Variants in SUPT3H observed in about 807,000 individuals in gnomAD.
SUPT3H encodes the protein transcription initiation protein SPT3 homolog.
SUPT3H carries 44 observed loss-of-function variants against 44.3 expected under a neutral mutation model. That is an observed-to-expected ratio of 0.99 (90% CI 0.78 to 1.28). SUPT3H has a LOEUF of 1.28. Among genes scored for constraint, SUPT3H ranks in the 50% most tolerant of loss-of-function variants. SUPT3H has a pLI of 0.00. For missense variants in SUPT3H, 380 were observed against 387.1 expected (o/e 0.98, Z 0.15); for synonymous variants, 124 against 125.6 (o/e 0.99, Z 0.09).
At chr6:45,283,954 A>T (rs1056227435) in intron 2 of SUPT3H, among the ~76,000 whole-genome samples, 1 of 152,234 alleles carries the variant, frequency 6.6e-6, no homozygotes, top group Non-Finnish European at 1.5e-5. Flanking sequence ...GCTCAATTAC[A>T]TGTAAACGGA....
intron 3 of SUPT3H, among the ~76,000 whole-genome samples, chr6:45,039,418 T>C (rs142015266): frequency 3.3e-5 from 5 of 152,174 alleles, no homozygotes; most frequent in Non-Finnish European, 7.4e-5. Flanking sequence ...AAAAAACTGC[T>C]AGGATTGATT....
At chr6:45,365,353 A>T in intron 1 of SUPT3H, 52 bp from the exon 2 acceptor site, 1 of 1,208,676 alleles carries the variant, frequency 8.3e-7, no homozygotes. Flanking sequence ...CTATAAGTAA[A>T]TGCAAAAAAA....
intron 10 of SUPT3H, among the ~76,000 whole-genome samples, chr6:44,894,066 GTTGT>G (rs1251980285): frequency 2.9e-5 from 4 of 136,986 alleles, no homozygotes; most frequent in African/African-American, 7.9e-5. Context: ...TTTTGATGGG[GTTGT>G]TTGTTTTTTT....
Position 45,176,017 on chromosome 6 carries a change from G to C in SUPT3H, c.102-70011C>G, listed in dbSNP as rs570281774. Among the ~76,000 whole-genome samples, 102 of 152,242 alleles carry C rather than the reference G, an allele frequency of 6.7e-4. 2 individuals carry two copies. The highest frequency in any genetic ancestry group is 5.9e-4 in the Non-Finnish European group (40 of 68,016). On this transcript the variant is annotated intron_variant, in intron 2 of 10. Coordinates refer to ENST00000371459, the MANE Select transcript of SUPT3H (RefSeq NM_003599.4). Reference sequence around the variant, plus strand: ...TATCTCCCAAGCAATGACTCAATCTGATTGCTCACCTTGGTCCATGATTGG... The same window carrying C: ...TATCTCCCAAGCAATGACTCAATCTCATTGCTCACCTTGGTCCATGATTGG...
At chr6:44,906,272 TATTTA>T (rs1241468311) in intron 10 of SUPT3H, among the ~76,000 whole-genome samples, 2 of 152,212 alleles carry the variant, frequency 1.3e-5, no homozygotes, top group Non-Finnish European at 2.9e-5. Context: ...TAGATAGTAG[TATTTA>T]ATTAATGATG....
chr6:45,184,786 A>G (rs773083478), intron 2 of SUPT3H, among the ~76,000 whole-genome samples: 2,460 of 15,458 alleles, frequency 0.16, 47 homozygotes, highest in South Asian at 0.26. Flanking sequence ...AAAAAAAAAA[A>G]AAAAAAAAAA....
chr6:45,101,042 C>A (rs1318213676), intron 3 of SUPT3H, among the ~76,000 whole-genome samples: 2 of 152,096 alleles, frequency 1.3e-5, no homozygotes, highest in African/African-American at 4.8e-5. Context: ...TCATTTGTGG[C>A]AACATAAATG....
rs1554213489 is a variant in SUPT3H at position 45,029,343 on chromosome 6, G to GTGTATA, written c.187-8712_187-8711insTATACA. Among the ~76,000 whole-genome samples the GTGTATA allele has an allele frequency of 6.8e-5, 10 of 146,376 alleles. No individual in the cohort carries two copies. The South Asian group carries it at 1.5e-3, about 22-fold the overall frequency. ...GTGTATATATGACATATTTGTATGT[G>GTGTATA]TATATATATATATATATACATATTC... is the stretch of plus-strand genomic sequence containing the variant. On this transcript the variant is annotated intron_variant, in intron 3 of 10. Coordinates refer to ENST00000371459, the MANE Select transcript of SUPT3H (RefSeq NM_003599.4).
intron 6 of SUPT3H, among the ~76,000 whole-genome samples, chr6:44,991,041 T>C (rs564496518): frequency 3.3e-5 from 5 of 152,102 alleles, no homozygotes; most frequent in African/African-American, 1.2e-4. Context: ...GCTCAACGAA[T>C]CCATTAGTCA....
intron 2 of SUPT3H, among the ~76,000 whole-genome samples, chr6:45,154,072 G>GAAAAAAAAAAAAAAAAAAAAA (rs796547480): frequency 5.6e-5 from 1 of 17,988 alleles, no homozygotes; most frequent in Non-Finnish European, 3.4e-4. Flanking sequence ...TCTGTCTCAA[G>GAAAAAAAAAAAAAAAAAAAAA]AAAAAAAAAA....
intron 2 of SUPT3H, chr6:45,328,321 G>A (rs1288239438): frequency 7.3e-7 from 1 of 1,371,504 alleles, no homozygotes; most frequent in Admixed American, 1.9e-5. Flanking sequence ...TGGATTGTGT[G>A]AATGCTTCAT....
At position 45,281,563 on chromosome 6, in the gene SUPT3H, G is replaced by A. The variant is rs112454900; in HGVS notation, c.101+83638C>T. On this transcript the variant is annotated intron_variant, in intron 2 of 10. Coordinates refer to ENST00000371459, the MANE Select transcript of SUPT3H (RefSeq NM_003599.4). ...TGGGGGAGGGGCGCCCACCATTGCC[G>A]ACGCTTGAGTAGCTAAACAAAGCAG... Among the ~76,000 whole-genome samples the A allele has an allele frequency of 9.5e-3, 1,442 of 152,270 alleles. 13 individuals are homozygous for A. Among genetic ancestry groups the A allele is most frequent in the South Asian group, 0.025 (121 of 4,826 alleles).
intron 11 of SUPT3H, among the ~76,000 whole-genome samples, chr6:44,814,137 A>T (rs1234487588): frequency 1.3e-5 from 2 of 152,222 alleles, no homozygotes; most frequent in African/African-American, 4.8e-5. Flanking sequence ...TGACAACCAA[A>T]ATGACAGAGG....
At chr6:45,062,195 T>G (rs1354188273) in intron 3 of SUPT3H, among the ~76,000 whole-genome samples, 3 of 152,124 alleles carry the variant, frequency 2.0e-5, no homozygotes, top group Non-Finnish European at 4.4e-5. Flanking sequence ...ATAAAGTTGT[T>G]GTAATACTGT....
chr6:44,878,984 A>G (rs1424285791), intron 10 of SUPT3H, among the ~76,000 whole-genome samples: 1 of 152,036 alleles, frequency 6.6e-6, no homozygotes, highest in Non-Finnish European at 1.5e-5. Flanking sequence ...GGTTTCAAGC[A>G]CAAAACTGGG....
At chr6:44,900,147 T>A (rs1033047220) in intron 10 of SUPT3H, among the ~76,000 whole-genome samples, 4 of 152,168 alleles carry the variant, frequency 2.6e-5, no homozygotes, top group Non-Finnish European at 4.4e-5. Flanking sequence ...ACCCGGTTCA[T>A]CTCACTGGGG....
chr6:45,070,162 A>G (rs1303321183), intron 3 of SUPT3H, among the ~76,000 whole-genome samples: 1 of 152,148 alleles, frequency 6.6e-6, no homozygotes, highest in African/African-American at 2.4e-5. Context: ...ATATCATTGG[A>G]TTTTCCAGAT....
At chr6:44,850,681 T>G (rs1772714393) in intron 10 of SUPT3H, among the ~76,000 whole-genome samples, 1 of 152,204 alleles carries the variant, frequency 6.6e-6, no homozygotes, top group Non-Finnish European at 1.5e-5. Context: ...TTTTTTCAAT[T>G]ATTTTGTTCA....
chr6:45,119,100 T>G (rs576078961), intron 2 of SUPT3H, among the ~76,000 whole-genome samples: 7 of 152,166 alleles, frequency 4.6e-5, no homozygotes, highest in Non-Finnish European at 1.0e-4. Context: ...TCTACTGTCA[T>G]AGACATATAA....
Sources: gnomAD v4.1 joint callset for allele counts (sites outside exome capture counted in the v4.1 genomes callset) on GRCh38, gnomAD v4.1.1 for gene constraint, MANE v1.5 for transcripts, NCBI Gene and HGNC (gene_info 2026-07-23, HGNC 2026-07-21) for gene names.